Variants in RAC2 observed in about 807,000 individuals in gnomAD.
RAC2 encodes ras-related C3 botulinum toxin substrate 2.
In RAC2, 1 loss-of-function variant was observed where a neutral mutation model predicts 24.0. That is an observed-to-expected ratio of 0.04 (90% CI 0.01 to 0.20). The LOEUF is 0.20. RAC2 is among the 10% of genes least tolerant of loss of function. The probability of loss-of-function intolerance (pLI) is 1.00; values close to 1 mark genes in which losing one functional copy is unlikely to be tolerated. For missense variants in RAC2, 130 were observed against 259.1 expected (o/e 0.50, Z 3.42); for synonymous variants, 114 against 106.8 (o/e 1.07, Z -0.41).
chr22:37,229,396 G>A (rs1237112333), intron 5 of RAC2, among the ~76,000 whole-genome samples: 1 of 152,174 alleles, frequency 6.6e-6, no homozygotes, highest in East Asian at 1.9e-4. Context: ...TGGCTGGGTG[G>A]CCTTAAGCCA....
In RAC2 at chr22:37,240,695, T is replaced by C. The variant is rs535868079; in HGVS notation, c.107+892A>G. ...CCTGCCCTCCACAGGCTCATAGTCA[T>C]GGGAGAGATCAGATAAAGTCACTCT... is the stretch of plus-strand genomic sequence containing the variant. On this transcript the variant is annotated intron_variant, in intron 2 of 6. Coordinates refer to ENST00000249071, the MANE Select transcript of RAC2 (RefSeq NM_002872.5). 3 of 349,346 alleles carry C rather than the reference T, an allele frequency of 8.6e-6. No homozygotes were observed. In the South Asian group the frequency reaches 1.1e-4, roughly 13 times the overall value. 21.6% of individuals were successfully genotyped at this position (349,346 alleles called of 1,614,324 possible).
chr22:37,232,076 G>A, intron 3 of RAC2, 82 bp from the exon 4 acceptor site: 1 of 1,425,292 alleles, frequency 7.0e-7, no homozygotes, highest in Non-Finnish European at 9.7e-7. Context: ...GTGGAGCTTG[G>A]GGCTCCCTGA....
At chr22:37,226,622 C>G (rs776389642) in intron 6 of RAC2, 49 bp downstream of exon 6, 3 of 1,602,460 alleles carry the variant, frequency 1.9e-6, no homozygotes, top group Non-Finnish European at 2.6e-6. Context: ...ACTGCTCAGC[C>G]AGGGCCTGCT....
In RAC2 at chr22:37,237,445, A is replaced by G. The variant is rs372741364; in HGVS notation, c.107+4142T>C. Among the ~76,000 whole-genome samples, 4 of 152,068 alleles carry G rather than the reference A, an allele frequency of 2.6e-5. No homozygotes were observed. The South Asian group carries it at 8.3e-4, about 31-fold the overall frequency. ...AGAAGGGGTGCCTGAGCTAAGGCAG[A>G]GGCTTGAGCCACTGGACATCATGAG... On this transcript the variant is annotated intron_variant, in intron 2 of 6. Coordinates refer to ENST00000249071, the MANE Select transcript of RAC2 (RefSeq NM_002872.5).
At chr22:37,237,310 A>G (rs12166336) in intron 2 of RAC2, among the ~76,000 whole-genome samples, 33,037 of 151,626 alleles carry the variant, frequency 0.22, 3,801 homozygotes, top group Non-Finnish European at 0.26. Context: ...GGAAACTGGC[A>G]CATCAGCCAG....
chr22:37,241,453 C>T, intron 2 of RAC2, 134 bp downstream of exon 2: 1 of 977,764 alleles, frequency 1.0e-6, no homozygotes, highest in East Asian at 2.4e-5. Context: ...GCTGGACTGT[C>T]AGGCAGCTCC....
At chr22:37,236,984 A>T (rs1927243669) in intron 2 of RAC2, among the ~76,000 whole-genome samples, 1 of 152,132 alleles carries the variant, frequency 6.6e-6, no homozygotes, top group African/African-American at 2.4e-5. Flanking sequence ...AGGTCAAGAG[A>T]TCGAGACCAT....
intron 1 of RAC2, among the ~76,000 whole-genome samples, chr22:37,243,722 G>A (rs971635774): frequency 3.9e-5 from 6 of 152,214 alleles, no homozygotes; most frequent in South Asian, 2.1e-4. Context: ...AGCCAGTGAC[G>A]ACAGCCCAGG....
chr22:37,243,974 G>T, intron 1 of RAC2, 140 bp downstream of exon 1: 1 of 1,188,182 alleles, frequency 8.4e-7, no homozygotes, highest in Non-Finnish European at 1.2e-6. Flanking sequence ...TGGGCCCTCG[G>T]AGAAGGAAGC....
chr22:37,240,935 G>C (rs953850014), intron 2 of RAC2: 5 of 688,776 alleles, frequency 7.3e-6, no homozygotes, highest in Non-Finnish European at 1.4e-5. Context: ...CAAAGTAATG[G>C]GTAATAAGGC....
chr22:37,235,622 C>T (rs1927200236), intron 2 of RAC2, among the ~76,000 whole-genome samples: 1 of 152,210 alleles, frequency 6.6e-6, no homozygotes, highest in Admixed American at 6.5e-5. Flanking sequence ...CTCTGGGTAC[C>T]ACCTACACTG....
At chr22:37,228,096 C>G (rs1926939626) in intron 5 of RAC2, among the ~76,000 whole-genome samples, 1 of 152,212 alleles carries the variant, frequency 6.6e-6, no homozygotes, top group Non-Finnish European at 1.5e-5. Context: ...CAGGAACTTC[C>G]CAACATCATC....
rs1324905135 is a variant in RAC2, at chr22:37,232,414, G to A, written c.225+387C>T. On this transcript the variant is annotated intron_variant, in intron 3 of 6. Coordinates refer to ENST00000249071, the MANE Select transcript of RAC2 (RefSeq NM_002872.5). The stretch of plus-strand genomic sequence containing the variant: ...CTTAGCCGCCTCCCTGCATACCCTG[G>A]AGGAAGGGCGAGGACCCAGCAGCCA... 21 of 418,660 alleles carry A rather than the reference G, an allele frequency of 5.0e-5. No individual in the cohort carries two copies. The East Asian group carries it at 1.1e-3, about 22-fold the overall frequency. 25.9% of individuals were successfully genotyped at this position (418,660 alleles called of 1,614,324 possible). A position where few individuals can be genotyped will look rare whatever the true frequency, so the allele number is the denominator to read the frequency against.
intron 3 of RAC2, 26 bp downstream of exon 3, chr22:37,232,775 C>A (rs756797181): frequency 6.3e-7 from 1 of 1,581,912 alleles, no homozygotes; most frequent in South Asian, 1.1e-5. Context: ...AAGGTCAGGA[C>A]TGCAAGGCAG....
At position 37,241,527 on chromosome 22, in the gene RAC2, G is replaced by A. The variant is rs370114359; in HGVS notation, c.107+60C>T. The A allele has an allele frequency of 1.8e-5, 28 of 1,533,912 alleles. No individual in the cohort carries two copies. In the East Asian group the frequency reaches 5.2e-4, roughly 28 times the overall value. On this transcript the variant is annotated intron_variant, in intron 2 of 6. Coordinates refer to ENST00000249071, the MANE Select transcript of RAC2 (RefSeq NM_002872.5). ...CCCACAGGAAGTGCCTGAAAGGGGG[G>A]TCGACTTGGTGACGGTCTCTCCCCT...
chr22:37,229,258 G>A (rs922239449), intron 5 of RAC2, among the ~76,000 whole-genome samples: 1 of 15,016 alleles, frequency 6.7e-5, no homozygotes, highest in Non-Finnish European at 1.0e-4. Flanking sequence ...TCAAGCTGAG[G>A]CAGGGGGCAG....
rs530651151 is a variant in RAC2 at position 37,226,847 on chromosome 22, G to T, written c.449-44C>A. On this transcript the variant is annotated intron_variant, in intron 5 of 6. Coordinates refer to ENST00000249071, the MANE Select transcript of RAC2 (RefSeq NM_002872.5). ...AGGAGAGCCAAGGCCTAAGTGGCGG[G>T]GGGGGTTCTGGGCCAACATGTCTCC... 3.1e-6 allele frequency: 5 copies of T among 1,607,824 alleles called. No homozygotes were observed. In the South Asian group the frequency reaches 4.4e-5, roughly 14 times the overall value.
At chr22:37,233,072 A>G (rs1398169741) in intron 2 of RAC2, among the ~76,000 whole-genome samples, 154 bp from the exon 3 acceptor site, 1 of 152,138 alleles carries the variant, frequency 6.6e-6, no homozygotes, top group Non-Finnish European at 1.5e-5. Context: ...GGGTTTCTTT[A>G]TTTGTTTCAT....
intron 2 of RAC2, among the ~76,000 whole-genome samples, chr22:37,239,738 G>A (rs1927333070): frequency 6.6e-6 from 1 of 152,154 alleles, no homozygotes; most frequent in African/African-American, 2.4e-5. Flanking sequence ...ATGCACAAAG[G>A]CGGGACAAGG....
Sources: gnomAD v4.1 joint callset for allele counts (sites outside exome capture counted in the v4.1 genomes callset) on GRCh38, gnomAD v4.1.1 for gene constraint, MANE v1.5 for transcripts, NCBI Gene and HGNC (gene_info 2026-07-23, HGNC 2026-07-21) for gene names.